Variants in PAN3 observed in about 807,000 individuals in gnomAD.
PAN3 encodes poly(A) specific ribonuclease subunit PAN3, also known as PAN2-PAN3 deadenylation complex subunit PAN3.
A neutral mutation model predicts 96.2 loss-of-function variants in PAN3; 19 were observed. That is an observed-to-expected ratio of 0.20 (90% confidence interval 0.14 to 0.29). The LOEUF is 0.29. PAN3 is among the 10% of genes least tolerant of loss of function. PAN3 has a pLI of 1.00. For synonymous variants in PAN3, 433 were observed against 406.6 expected (o/e 1.06, Z -0.78); for missense variants, 882 against 1,108.1 (o/e 0.80, Z 2.90).
Position 28,165,457 on chromosome 13 carries a change from A to G in PAN3, c.431-8815A>G, listed in dbSNP as rs567932220. 2.6e-5 allele frequency among the ~76,000 whole-genome samples: 4 copies of G among 152,166 alleles called. No individual in the cohort carries two copies. In the East Asian group the frequency reaches 7.7e-4, roughly 29 times the overall value. The stretch of plus-strand genomic sequence containing the variant: ...TTAAAAATTTGAAAGACTGTTTAGT[A>G]TAGTAGCAAGATCACTTTTATGTCC... On this transcript the variant is annotated intron_variant, in intron 1 of 18. Transcript: ENST00000380958.
intron 5 of PAN3, chr13:28,215,234 TC>T: frequency 1.4e-6 from 1 of 712,950 alleles, no homozygotes; most frequent in Non-Finnish European, 2.6e-6. Flanking sequence ...CACTAGCTTG[TC>T]CAACTGACAA....
chr13:28,264,480 A>G (rs141505420), intron 9 of PAN3, among the ~76,000 whole-genome samples: 69 of 152,294 alleles, frequency 4.5e-4, no homozygotes, highest in African/African-American at 1.7e-3. Flanking sequence ...TGGAGGTTGC[A>G]GTGAGATTGT....
chr13:28,271,925 G>A, intron 13 of PAN3, 56 bp from the exon 14 acceptor site: 4 of 1,235,232 alleles, frequency 3.2e-6, no homozygotes, highest in East Asian at 2.7e-5. Context: ...CCATGAGTAT[G>A]CAATTTTTTA....
At chr13:28,154,446 C>A (rs1490195886) in intron 1 of PAN3, among the ~76,000 whole-genome samples, 1 of 151,824 alleles carries the variant, frequency 6.6e-6, no homozygotes, top group Non-Finnish European at 1.5e-5. Flanking sequence ...GATATGACAA[C>A]TTCCTTAAGA....
At chr13:28,212,291 A>G (rs1248191879) in intron 5 of PAN3, among the ~76,000 whole-genome samples, 1 of 152,152 alleles carries the variant, frequency 6.6e-6, no homozygotes, top group African/African-American at 2.4e-5. Flanking sequence ...CTTAGAATAA[A>G]TTCTTCCCTG....
chr13:28,239,185 A>ACACG (rs1555286429), intron 6 of PAN3, among the ~76,000 whole-genome samples: 1 of 104,092 alleles, frequency 9.6e-6, no homozygotes, highest in African/African-American at 4.3e-5. Flanking sequence ...ACACACACAC[A>ACACG]CACGCATGCA....
intron 17 of PAN3, among the ~76,000 whole-genome samples, chr13:28,285,116 C>G (rs776724196): frequency 2.0e-5 from 3 of 152,026 alleles, no homozygotes; most frequent in Non-Finnish European, 4.4e-5. Context: ...GAAAATTTCC[C>G]CCATTCTGTC....
intron 4 of PAN3, among the ~76,000 whole-genome samples, chr13:28,185,091 T>C (rs954486427): frequency 1.3e-5 from 2 of 152,288 alleles, no homozygotes; most frequent in East Asian, 3.9e-4. Context: ...TCCTTGTTTT[T>C]ATATAATTAA....
intron 6 of PAN3, among the ~76,000 whole-genome samples, chr13:28,244,684 G>A (rs1884008696): frequency 6.6e-6 from 1 of 151,588 alleles, no homozygotes. Context: ...TGGTGTTATG[G>A]CCCACTTTTA....
chr13:28,180,947 T>G (rs1875692794), intron 4 of PAN3, among the ~76,000 whole-genome samples: 1 of 152,146 alleles, frequency 6.6e-6, no homozygotes, highest in Admixed American at 6.6e-5. Context: ...TAGTGCCAAT[T>G]TAAATATTTG....
At chr13:28,190,129 A>C (rs889165213) in intron 4 of PAN3, among the ~76,000 whole-genome samples, 2 of 151,902 alleles carry the variant, frequency 1.3e-5, no homozygotes, top group Non-Finnish European at 1.5e-5. Context: ...TTTTTTGGTA[A>C]AGATGAGGTT....
At position 28,266,708 on chromosome 13, in the gene PAN3, A is replaced by G. The variant is rs766514908; in HGVS notation, c.1412-7A>G. ...TTTTCAAGTCATCTTCTTATGAATT[A>G]CTCTAGCAGTTCCTACAGAGGTTGA... On this transcript the variant is annotated splice_region_variant and splice_polypyrimidine_tract_variant and intron_variant, in intron 9 of 18. Coordinates refer to ENST00000380958, the MANE Select transcript of PAN3 (RefSeq NM_175854.8). 4 of 1,547,712 alleles carry G rather than the reference A, an allele frequency of 2.6e-6. No individual in the cohort carries two copies. The highest frequency in any genetic ancestry group is 3.5e-6 in the Non-Finnish European group (4 of 1,150,010).
chr13:28,280,555 A>ATTTTTTTTTTTTTTTT lies in PAN3; in HGVS notation c.2319+23_2319+38dup. The ATTTTTTTTTTTTTTTT allele has an allele frequency of 8.7e-7, 1 of 1,150,218 alleles. No individual in the cohort carries two copies. Among genetic ancestry groups the ATTTTTTTTTTTTTTTT allele is most frequent in the Non-Finnish European group, 1.1e-6 (1 of 895,040 alleles). 71.3% of individuals were successfully genotyped at this position (1,150,218 alleles called of 1,614,324 possible). On this transcript the variant is annotated intron_variant, in intron 16 of 18. Coordinates refer to ENST00000380958, the MANE Select transcript of PAN3 (RefSeq NM_175854.8). ...GACCTTGCAAAGGTAAAGAGTGTAA[A>ATTTTTTTTTTTTTTTT]TTTTTTTTTTTTTTTTTTTTTTTTG...
At chr13:28,181,594 ACTATGTGAGAAACTTCC>A in intron 4 of PAN3, among the ~76,000 whole-genome samples, 1 of 152,234 alleles carries the variant, frequency 6.6e-6, no homozygotes, top group Non-Finnish European at 1.5e-5. Context: ...ATTGTTGTTA[ACTATGTGAGAAACTTCC>A]TGAAGAGTTG....
intron 1 of PAN3, among the ~76,000 whole-genome samples, chr13:28,159,792 G>A (rs1872677295): frequency 1.3e-5 from 2 of 152,012 alleles, no homozygotes; most frequent in Non-Finnish European, 2.9e-5. Flanking sequence ...GGAGGGTGAG[G>A]AAGGGAAAAG....
chr13:28,260,362 C>G (rs1468778636), intron 7 of PAN3, 85 bp from the exon 8 acceptor site: 1 of 1,056,202 alleles, frequency 9.5e-7, no homozygotes, highest in Non-Finnish European at 1.4e-6. Flanking sequence ...CCACTGAACT[C>G]CAGCCTGGGC....
At chr13:28,223,803 C>T (rs1288232758) in intron 6 of PAN3, among the ~76,000 whole-genome samples, 2 of 149,358 alleles carry the variant, frequency 1.3e-5, no homozygotes, top group African/African-American at 4.9e-5. Flanking sequence ...TCTCTGGAAA[C>T]GAAGTTATGA....
At chr13:28,195,765 G>T (rs1405903252) in intron 4 of PAN3, among the ~76,000 whole-genome samples, 1 of 152,056 alleles carries the variant, frequency 6.6e-6, no homozygotes, top group Non-Finnish European at 1.5e-5. Flanking sequence ...TCGAACTCCT[G>T]ACCTCAAGTG....
At chr13:28,140,783 T>C (rs527840975) in intron 1 of PAN3, among the ~76,000 whole-genome samples, 1 of 152,310 alleles carries the variant, frequency 6.6e-6, no homozygotes, top group East Asian at 1.9e-4. Flanking sequence ...AATGAAGATA[T>C]ATTTGCTAAG....
Sources: gnomAD v4.1 joint callset for allele counts (sites outside exome capture counted in the v4.1 genomes callset) on GRCh38, gnomAD v4.1.1 for gene constraint, MANE v1.5 for transcripts, NCBI Gene and HGNC (gene_info 2026-07-23, HGNC 2026-07-21) for gene names.